The following NAA15 variants were observed in gnomAD, a reference collection of about 807,000 sequenced individuals.
NAA15 encodes the protein N-alpha-acetyltransferase 15, NatA auxiliary subunit, also known as N-terminal acetyltransferase.
In NAA15, 34 loss-of-function variants were observed where a neutral mutation model predicts 114.0. That is an observed-to-expected ratio of 0.30 (90% CI 0.23 to 0.40). The LOEUF (loss-of-function observed/expected upper bound fraction) is 0.40, where lower values mean the gene tolerates loss of function less well. NAA15 is among the 10% of genes least tolerant of loss of function. The probability of loss-of-function intolerance (pLI) is 1.00; values close to 1 mark genes in which losing one functional copy is unlikely to be tolerated. For missense variants in NAA15, 658 were observed against 1,004.5 expected, an observed-to-expected ratio of 0.66 and a Z score of 4.66; for synonymous variants, 340 against 338.0, an observed-to-expected ratio of 1.01 and a Z score of -0.06.
At chr4:139,346,275 C>T (rs1747579801) in intron 6 of NAA15, among the ~76,000 whole-genome samples, 1 of 151,942 alleles carries the variant, frequency 6.6e-6, no homozygotes, top group Non-Finnish European at 1.5e-5. Context: ...GGAGTTTCCT[C>T]TAATTGCTTC....
At chr4:139,318,314 T>G (rs1746480615) in intron 1 of NAA15, 2 of 152,164 alleles carry the variant, frequency 1.3e-5, no homozygotes, top group Non-Finnish European at 2.9e-5. Flanking sequence ...AATAAAAATT[T>G]AGCAATTCCA....
chr4:139,360,704 C>T (rs1748106335), intron 13 of NAA15, 76 bp downstream of exon 13: 3 of 1,291,218 alleles, frequency 2.3e-6, no homozygotes, highest in Non-Finnish European at 3.1e-6. Flanking sequence ...GTTTTTTTCT[C>T]TTCTATTTCT....
intron 14 of NAA15, among the ~76,000 whole-genome samples, chr4:139,365,827 C>T (rs559193545): frequency 3.3e-5 from 5 of 151,886 alleles, no homozygotes; most frequent in East Asian, 1.9e-4. Flanking sequence ...CCAGCCTGGA[C>T]GACAGAGTGA....
intron 14 of NAA15, among the ~76,000 whole-genome samples, chr4:139,368,573 G>C (rs1338957538): frequency 6.6e-6 from 1 of 152,176 alleles, no homozygotes; most frequent in Non-Finnish European, 1.5e-5. Context: ...TAAGACAGGA[G>C]CTGGTTTCCT....
intron 14 of NAA15, among the ~76,000 whole-genome samples, chr4:139,368,321 A>G (rs1748341611): frequency 6.6e-6 from 1 of 152,194 alleles, no homozygotes; most frequent in African/African-American, 2.4e-5. Context: ...TCATGCCTGT[A>G]GTCCTAATGC....
chr4:139,376,635 T>C (rs758489062), intron 16 of NAA15, among the ~76,000 whole-genome samples, 162 bp downstream of exon 16: 4 of 152,148 alleles, frequency 2.6e-5, no homozygotes, highest in Non-Finnish European at 5.9e-5. Context: ...TAGGGAGATA[T>C]AATGATATAA....
At position 139,390,155 on chromosome 4, in the gene NAA15, T is replaced by G. The variant is rs1266522545; in HGVS notation, c.*2071T>G. The G allele has an allele frequency of 1.3e-5, 2 of 152,674 alleles. No individual in the cohort carries two copies. Among genetic ancestry groups the G allele is most frequent in the East Asian group, 3.8e-4 (2 of 5,204 alleles). 9.5% of individuals were successfully genotyped at this position (152,674 alleles called of 1,614,324 possible). Reference sequence around the variant, plus strand: ...ATTTGTCTTGACAATGTTCAAATGATGTAGATTGTCTTAGAATGAATATTC... The same window carrying G: ...ATTTGTCTTGACAATGTTCAAATGAGGTAGATTGTCTTAGAATGAATATTC... On this transcript the variant is annotated 3_prime_UTR_variant, in exon 20 of 20. Transcript: ENST00000296543.
chr4:139,310,616 T>A (rs1326217412), intron 1 of NAA15, among the ~76,000 whole-genome samples: 1 of 151,728 alleles, frequency 6.6e-6, no homozygotes, highest in Admixed American at 6.6e-5. Flanking sequence ...AATTTTAAAT[T>A]TATTTTTATT....
chr4:139,305,010 A>G (rs921801325), intron 1 of NAA15, among the ~76,000 whole-genome samples: 3 of 152,062 alleles, frequency 2.0e-5, no homozygotes, highest in Admixed American at 6.5e-5. Flanking sequence ...ACCTCAAACT[A>G]CTGGACTCAA....
At chr4:139,321,767 G>A (rs953491810) in intron 1 of NAA15, among the ~76,000 whole-genome samples, 22 of 151,776 alleles carry the variant, frequency 1.4e-4, no homozygotes, top group Non-Finnish European at 2.5e-4. Flanking sequence ...ACAGGTGTGA[G>A]CCACCGTGCC....
At chr4:139,372,797 C>T (rs886525341) in intron 15 of NAA15, among the ~76,000 whole-genome samples, 1 of 148,242 alleles carries the variant, frequency 6.7e-6, no homozygotes, top group African/African-American at 2.5e-5. Context: ...AATTTAGTGT[C>T]ACTAGTTCAG....
At chr4:139,367,480 C>G (rs989289906) in intron 14 of NAA15, among the ~76,000 whole-genome samples, 1 of 152,032 alleles carries the variant, frequency 6.6e-6, no homozygotes, top group East Asian at 1.9e-4. Flanking sequence ...CTATTTCTGC[C>G]CATAGAATAA....
Position 139,351,216 on chromosome 4 carries a change from T to G in NAA15, c.837T>G (p.Ile279Met). 6.2e-7 allele frequency: 1 copy of G among 1,600,936 alleles called. No homozygotes were observed. The highest frequency in any genetic ancestry group is 8.5e-7 in the Non-Finnish European group (1 of 1,173,028). Residue 279 changes from isoleucine to methionine, a missense_variant, in exon 8 of 20, where the codon ATT (isoleucine) becomes ATG (methionine). This residue lies in a region of NAA15 where 281 missense variants were observed against 389.1 expected (regional missense o/e 0.72). Transcript: ENST00000296543. Reference protein sequence around the residue: ...KPANMLERLKIYEEAWTKYPR... With the variant: ...KPANMLERLKMYEEAWTKYPR... ...CTAATATGTTAGAACGGCTAAAAATTTATGAGGAAGCCTGGACTAAATATC... is the reference window on the plus strand; with the variant it reads ...CTAATATGTTAGAACGGCTAAAAATGTATGAGGAAGCCTGGACTAAATATC...
At chr4:139,309,098 A>T (rs907419144) in intron 1 of NAA15, among the ~76,000 whole-genome samples, 1 of 151,884 alleles carries the variant, frequency 6.6e-6, no homozygotes, top group Non-Finnish European at 1.5e-5. Flanking sequence ...CTGTAATCCC[A>T]GCACTTTGGG....
In NAA15 at chr4:139,361,935, C is replaced by T; in HGVS notation, c.1751C>T (p.Thr584Ile). ...GAGAATAAAGAACACGAAGCTGATA[C>T]AGGTATAATATTCAGAGTTCTTCTT... ...TDENKEHEAD[T>I]ANMSDKELKK... The change falls in exon 14 of 20, where the codon ACA becomes ATA. Residue 584 changes from threonine to isoleucine, a missense_variant and splice_region_variant. This residue lies in a region of NAA15 where 275 missense variants were observed against 371.1 expected (regional missense o/e 0.74). Transcript: ENST00000296543. The T allele has an allele frequency of 6.3e-7, 1 of 1,599,038 alleles. No homozygotes were observed. The highest frequency in any genetic ancestry group is 8.5e-7 in the Non-Finnish European group (1 of 1,171,766).
intron 5 of NAA15, among the ~76,000 whole-genome samples, chr4:139,343,484 A>T (rs1747480814): frequency 1.3e-5 from 2 of 152,016 alleles, no homozygotes; most frequent in Admixed American, 1.3e-4. Context: ...GCCTCTTTTA[A>T]TCTGAAACAG....
At chr4:139,308,996 TATGTGTATATA>T (rs1391643495) in intron 1 of NAA15, among the ~76,000 whole-genome samples, 2 of 152,172 alleles carry the variant, frequency 1.3e-5, no homozygotes, top group Admixed American at 6.5e-5. Context: ...CTATTTTATA[TATGTGTATATA>T]ATGTGTATAT....
chr4:139,305,900 T>G (rs932649695), intron 1 of NAA15, among the ~76,000 whole-genome samples: 1 of 152,234 alleles, frequency 6.6e-6, no homozygotes, highest in Non-Finnish European at 1.5e-5. Context: ...TTAGTTGTAC[T>G]GTACTTGTTA....
chr4:139,359,639 C>T (rs1385029569), intron 11 of NAA15, 104 bp from the exon 12 acceptor site: 1 of 1,133,506 alleles, frequency 8.8e-7, no homozygotes, highest in Admixed American at 3.0e-5. Flanking sequence ...ACAAGAATGC[C>T]TTTACTTTCA....
Sources: gnomAD v4.1 joint callset for allele counts (sites outside exome capture counted in the v4.1 genomes callset) on GRCh38, gnomAD v4.1.1 for gene constraint, gnomAD v4.1.1 regional missense constraint, MANE v1.5 for transcripts, NCBI Gene and HGNC (gene_info 2026-07-23, HGNC 2026-07-21) for gene names.